RTN4: variants seen among roughly 807,000 people sequenced by gnomAD.
RTN4 encodes the protein reticulon-4.
Under a neutral mutation model 90.4 loss-of-function variants are expected in RTN4, and 32 were observed. That is an observed-to-expected ratio of 0.35 (90% CI 0.27 to 0.48). The LOEUF (loss-of-function observed/expected upper bound fraction) is 0.48. RTN4 is among the 20% of genes least tolerant of loss of function. RTN4 has a pLI of 0.99. For synonymous variants in RTN4, 629 were observed against 552.5 expected (o/e 1.14, Z -1.94); for missense variants, 1,706 against 1,430.2 (o/e 1.19, Z -3.11).
At chr2:55,039,337 G>C (rs1484503673) in intron 1 of RTN4, among the ~76,000 whole-genome samples, 1 of 152,164 alleles carries the variant, frequency 6.6e-6, no homozygotes, top group Non-Finnish European at 1.5e-5. Flanking sequence ...AAATTGCAGA[G>C]AGAGAGAGAC....
At chr2:54,996,581 A>G (rs191004842) in intron 3 of RTN4, among the ~76,000 whole-genome samples, 1 of 152,328 alleles carries the variant, frequency 6.6e-6, no homozygotes, top group Admixed American at 6.5e-5. Context: ...GCAACTCAAT[A>G]AGAAAAAAAC....
intron 1 of RTN4, among the ~76,000 whole-genome samples, chr2:55,039,357 G>C (rs1262449346): frequency 1.3e-5 from 2 of 152,162 alleles, no homozygotes; most frequent in African/African-American, 2.4e-5. Flanking sequence ...CCACAAGCAA[G>C]GGAGAACTCA....
intron 3 of RTN4, among the ~76,000 whole-genome samples, chr2:55,010,948 T>G (rs1349132759): frequency 1.3e-5 from 2 of 152,200 alleles, no homozygotes; most frequent in Non-Finnish European, 2.9e-5. Flanking sequence ...TATTAATAGA[T>G]TCTTAGCTTG....
chr2:54,998,796 A>G (rs906774332), intron 3 of RTN4, among the ~76,000 whole-genome samples: 2 of 152,194 alleles, frequency 1.3e-5, no homozygotes, highest in African/African-American at 4.8e-5. Flanking sequence ...CCAAAATGCT[A>G]ATTTTGGATT....
At chr2:55,000,651 T>A (rs1347994133) in intron 3 of RTN4, among the ~76,000 whole-genome samples, 16 of 152,212 alleles carry the variant, frequency 1.1e-4, no homozygotes. Context: ...TTTGTACATT[T>A]GTAATGTAAA....
rs543185878 is a variant in RTN4, at chr2:55,009,202, T to C, written c.3013+15884A>G. ...TTTTTTTAATTATAAAACTTGAATG[T>C]AGCCAGGAAAAAAATTGCTTACGTA... is the stretch of plus-strand genomic sequence containing the variant. On this transcript the variant is annotated intron_variant, in intron 3 of 8. Transcript: ENST00000337526. Among the ~76,000 whole-genome samples, 4 of 152,226 alleles carry C rather than the reference T, an allele frequency of 2.6e-5. No individual in the cohort carries two copies. In the East Asian group the frequency reaches 7.7e-4, roughly 29 times the overall value.
intron 1 of RTN4, among the ~76,000 whole-genome samples, chr2:55,048,130 G>C (rs1339096520): frequency 1.3e-5 from 2 of 152,168 alleles, no homozygotes; most frequent in African/African-American, 2.4e-5. Context: ...TGGTATTTGT[G>C]TAGTGTTTAT....
the RTN4 span, among the ~76,000 whole-genome samples, chr2:55,129,411 A>C: frequency 6.6e-6 from 1 of 151,946 alleles, no homozygotes; most frequent in Non-Finnish European, 1.5e-5. Context: ...GTGTCTCTCT[A>C]CAAAAAAAAA....
At chr2:55,049,029 G>T in intron 1 of RTN4, 1 of 859,116 alleles carries the variant, frequency 1.2e-6, no homozygotes, top group South Asian at 5.3e-5. Context: ...TAGCTGGTGG[G>T]GAGCAGTCCA....
rs879882688 is a variant in RTN4, at chr2:55,093,387, T to C, written c.-213-12748A>G. Reference sequence around the variant, plus strand: ...TTTTATACTTAAATAATTTATTCTATATATATTTAATTTATTTTATATATA... The same window carrying C: ...TTTTATACTTAAATAATTTATTCTACATATATTTAATTTATTTTATATATA... On this transcript the variant is annotated intron_variant, in intron 1 of 3. Transcript: ENST00000427710. 5.0e-5 allele frequency among the ~76,000 whole-genome samples: 6 copies of C among 119,046 alleles called. No individual in the cohort carries two copies. In the Admixed American group the frequency reaches 5.6e-4, roughly 11 times the overall value. The allele number at this position is 119,046 out of a possible 152,430, so 78.1% of individuals were successfully genotyped here.
At chr2:54,998,873 G>A (rs10210840) in intron 3 of RTN4, among the ~76,000 whole-genome samples, 90,940 of 151,998 alleles carry the variant, frequency 0.6, 27,287 homozygotes, top group South Asian at 0.73. Flanking sequence ...AGTTTATACA[G>A]GGAAAGTTTA....
chr2:55,134,862 C>T, the RTN4 span, among the ~76,000 whole-genome samples: 7 of 152,148 alleles, frequency 4.6e-5, no homozygotes, highest in African/African-American at 1.7e-4. Flanking sequence ...CAATTCTGAT[C>T]GGGGCTTCAC....
At chr2:54,998,299 A>G (rs1417394259) in intron 3 of RTN4, among the ~76,000 whole-genome samples, 1 of 152,114 alleles carries the variant, frequency 6.6e-6, no homozygotes, top group East Asian at 1.9e-4. Flanking sequence ...TAGTCATTTC[A>G]ACATACTTCT....
At chr2:55,118,047 G>A in the RTN4 span, among the ~76,000 whole-genome samples, 1 of 152,170 alleles carries the variant, frequency 6.6e-6, no homozygotes, top group African/African-American at 2.4e-5. Context: ...TCTCACTAAG[G>A]AAATTTGTAG....
At chr2:55,110,847 C>T (rs1465929450) in intron 1 of RTN4, among the ~76,000 whole-genome samples, 1 of 152,168 alleles carries the variant, frequency 6.6e-6, no homozygotes, top group Non-Finnish European at 1.5e-5. Flanking sequence ...TCAAGACCAG[C>T]CTGGTCAACA....
intron 5 of RTN4, among the ~76,000 whole-genome samples, chr2:54,982,001 C>G (rs1475147825): frequency 6.6e-6 from 1 of 151,956 alleles, no homozygotes; most frequent in African/African-American, 2.4e-5. Flanking sequence ...GTTGCCCAGG[C>G]TGGAATGCAA....
intron 1 of RTN4, among the ~76,000 whole-genome samples, chr2:55,081,990 C>T: frequency 6.6e-6 from 1 of 152,022 alleles, no homozygotes. Context: ...TTTTTTCCCT[C>T]ATGCTGCCTT....
At chr2:55,002,719 C>A (rs1679933752) in intron 3 of RTN4, among the ~76,000 whole-genome samples, 1 of 152,220 alleles carries the variant, frequency 6.6e-6, no homozygotes, top group Admixed American at 6.5e-5. Flanking sequence ...TAAGGTAAAG[C>A]TAAATATCTT....
Position 55,049,996 on chromosome 2 carries a change from G to A in RTN4, c.305C>T (p.Pro102Leu), listed in dbSNP as rs1668011221. The change falls in exon 1 of 9, where the codon CCG becomes CTG. Residue 102 changes from proline (P) to leucine (L), a missense_variant. Coordinates refer to ENST00000337526, the MANE Select transcript of RTN4 (RefSeq NM_020532.5). The stretch of plus-strand genomic sequence containing the variant: ...CGGGTCCCAAGACGGCTGCCGCTCC[G>A]GGGCGACGGGGGGAGCGGCCGGCAG... ...GPLPAAPPVA[P>L]ERQPSWDPSP... 3.6e-6 allele frequency: 5 copies of A among 1,375,238 alleles called. No individual in the cohort carries two copies. In the East Asian group the frequency reaches 1.5e-4, roughly 42 times the overall value. 85.2% of individuals were successfully genotyped at this position (1,375,238 alleles called of 1,614,324 possible). A position where few individuals can be genotyped will look rare whatever the true frequency, so the allele number is the denominator to read the frequency against.
Sources: gnomAD v4.1 joint callset for allele counts (sites outside exome capture counted in the v4.1 genomes callset) on GRCh38, gnomAD v4.1.1 for gene constraint, MANE v1.5 for transcripts, NCBI Gene and HGNC (gene_info 2026-07-23, HGNC 2026-07-21) for gene names.